Variants in MRC1 observed in about 807,000 individuals in gnomAD.
The protein encoded by MRC1 is mannose receptor C-type 1.
A neutral mutation model predicts 102.9 loss-of-function variants in MRC1; 62 were observed. The ratio of observed to expected loss-of-function variants is 0.60; its 90% confidence interval spans 0.49 to 0.74. MRC1 has a LOEUF of 0.74. Among genes scored for constraint, MRC1 ranks in the 30% least tolerant of loss-of-function variants. The pLI, the probability that MRC1 is intolerant of heterozygous loss-of-function variation, is 0.00. For missense variants in MRC1, 1,237 were observed against 862.8 expected, an observed-to-expected ratio of 1.43 and a Z score of -5.43; for synonymous variants, 457 against 298.4, an observed-to-expected ratio of 1.53 and a Z score of -5.48.
chr10:17,825,118 G>T (rs1838454086), intron 2 of MRC1, among the ~76,000 whole-genome samples: 1 of 152,110 alleles, frequency 6.6e-6, no homozygotes, highest in Non-Finnish European at 1.5e-5. Flanking sequence ...CTGCTCCTCA[G>T]TTCTAGCTCT....
In MRC1 at chr10:17,910,990, A is replaced by T. The variant is rs1833961635; in HGVS notation, c.*525A>T. ...CATGTGCAGAAGAATAAGGCAGCTG[A>T]GAATCTTGTTTCCCCCAAGAGAGTT... On this transcript the variant is annotated 3_prime_UTR_variant, in exon 30 of 30. Transcript: ENST00000569591. The T allele has an allele frequency of 6.0e-6, 1 of 167,016 alleles. No homozygotes were observed. The highest frequency in any genetic ancestry group is 2.4e-5 in the African/African-American group (1 of 41,508). The allele number at this position is 167,016 out of a possible 1,614,324, so 10.3% of individuals were successfully genotyped here.
intron 21 of MRC1, among the ~76,000 whole-genome samples, chr10:17,882,687 T>G (rs1462675998): frequency 6.6e-6 from 1 of 152,052 alleles, no homozygotes; most frequent in East Asian, 1.9e-4. Flanking sequence ...GTACAATAAA[T>G]CCCAACCAAG....
Position 17,861,398 on chromosome 10 carries a change from A to G in MRC1, c.1530A>G (p.Lys510=), listed in dbSNP as rs1589182693. The G allele has an allele frequency of 1.1e-6, 1 of 872,308 alleles. No homozygotes were observed. Among genetic ancestry groups the G allele is most frequent in the African/African-American group, 1.6e-5 (1 of 61,322 alleles). 54.0% of individuals were successfully genotyped at this position (872,308 alleles called of 1,614,324 possible). A position where few individuals can be genotyped will look rare whatever the true frequency, so the allele number is the denominator to read the frequency against. Residue 510 remains lysine, a synonymous_variant, in exon 10 of 30, where the codon AAA becomes AAG. Coordinates refer to ENST00000569591, the MANE Select transcript of MRC1 (RefSeq NM_002438.4). ...GATAACATTAATAGGGCTGGAAAAA[A>G]CATCACTTTTACTGCTATATGATTG... ...VEKGCRKGWK[K]HHFYCYMIGH... is the part of the protein sequence containing the mutation.
chr10:17,909,474 T>A, intron 29 of MRC1, 127 bp downstream of exon 29: 1 of 690,742 alleles, frequency 1.4e-6, no homozygotes, highest in Non-Finnish European at 2.6e-6. Flanking sequence ...AGCTAAACTA[T>A]CCTTTGTCAT....
chr10:17,875,993 G>C (rs1656091705), intron 17 of MRC1, among the ~76,000 whole-genome samples: 1 of 152,104 alleles, frequency 6.6e-6, no homozygotes, highest in Non-Finnish European at 1.5e-5. Context: ...TTGTGATTTT[G>C]ATTTACATTT....
intron 28 of MRC1, 62 bp downstream of exon 28, chr10:17,907,760 A>G (rs1180698708): frequency 1.3e-6 from 1 of 776,582 alleles, no homozygotes; most frequent in Non-Finnish European, 2.4e-6. Flanking sequence ...AAATAGTAAG[A>G]TATCAGGTAT....
At chr10:17,857,649 A>G (rs1833114141) in intron 9 of MRC1, among the ~76,000 whole-genome samples, 1 of 152,224 alleles carries the variant, frequency 6.6e-6, no homozygotes, top group Non-Finnish European at 1.5e-5. Context: ...TGACCACTTT[A>G]AAAACACCTG....
At chr10:17,902,837 T>A (rs1833846407) in intron 26 of MRC1, among the ~76,000 whole-genome samples, 1 of 152,162 alleles carries the variant, frequency 6.6e-6, no homozygotes. Flanking sequence ...GCCGATGAGG[T>A]TTATCCGAGG....
At chr10:17,865,607 G>A (rs2130667372) in intron 11 of MRC1, 1 of 152,508 alleles carries the variant, frequency 6.6e-6, no homozygotes, top group South Asian at 2.1e-4. Flanking sequence ...GCTGCAGGAG[G>A]AGTGGGCAAG....
rs781870236 is a variant in MRC1 at position 17,811,685 on chromosome 10, C to T, written c.61+2159C>T. ...TGCAATCCTCCCACCTTGGCCCACTCCCAACTCCCCAGTAGCTGGGACTTT... is the reference window on the plus strand; with the variant it reads ...TGCAATCCTCCCACCTTGGCCCACTTCCAACTCCCCAGTAGCTGGGACTTT... On this transcript the variant is annotated intron_variant, in intron 1 of 29. Transcript: ENST00000569591. Among the ~76,000 whole-genome samples the T allele has an allele frequency of 8.3e-3, 1,266 of 152,238 alleles. 11 individuals carry two copies. The highest frequency in any genetic ancestry group is 0.024 in the Middle Eastern group (7 of 294).
Position 17,870,867 on chromosome 10 carries a change from A to G in MRC1, c.2131A>G (p.Lys711Glu). ...RLITASGSYHKLFWLGLTYGS... is the reference protein window; with the variant it reads ...RLITASGSYHELFWLGLTYGS... ...TCATAGAGCTAGTGGAAGCTACCAC[A>G]AACTGTTTTGGTTGGGATTGACATA... is the stretch of plus-strand genomic sequence containing the variant. The change falls in exon 14 of 30, where the codon AAA becomes GAA. Residue 711 changes from lysine to glutamate, a missense_variant. Coordinates refer to ENST00000569591, the MANE Select transcript of MRC1 (RefSeq NM_002438.4). 1 of 872,494 alleles carries G rather than the reference A, an allele frequency of 1.1e-6. No homozygotes were observed. Among genetic ancestry groups the G allele is most frequent in the Non-Finnish European group, 2.0e-6 (1 of 501,276 alleles). 54.0% of individuals were successfully genotyped at this position (872,494 alleles called of 1,614,324 possible).
chr10:17,838,575 TA>T (rs1322518214), intron 4 of MRC1, among the ~76,000 whole-genome samples: 6 of 149,812 alleles, frequency 4.0e-5, no homozygotes, highest in African/African-American at 9.8e-5. Context: ...AAAAAGAAAG[TA>T]AAAAAAACAG....
At chr10:17,831,959 G>A (rs1838580699) in intron 3 of MRC1, among the ~76,000 whole-genome samples, 1 of 151,656 alleles carries the variant, frequency 6.6e-6, no homozygotes, top group Non-Finnish European at 1.5e-5. Context: ...TTACTCTGTG[G>A]AATGAAAAAG....
Position 17,880,622 on chromosome 10 carries a change from C to G in MRC1, c.2817C>G (p.Pro939=), listed in dbSNP as rs1048860144. The G allele has an allele frequency of 2.6e-6, 2 of 780,700 alleles. No individual in the cohort carries two copies. The highest frequency in any genetic ancestry group is 1.7e-5 in the Admixed American group (1 of 59,014). 48.4% of individuals were successfully genotyped at this position (780,700 alleles called of 1,614,324 possible). The change falls in exon 20 of 30, where the codon CCC becomes CCG. Residue 939 remains proline, a synonymous_variant. Transcript: ENST00000569591. ...CTACCACAGTTATGCCTACCATGCC[C>G]TCGGTCCCATCAGGGTGCAAGGAAG... The part of the protein sequence containing the change: ...INATTVMPTM[P]SVPSGCKEGW...
At chr10:17,866,904 A>G in intron 12 of MRC1, 143 bp downstream of exon 12, 1 of 714,596 alleles carries the variant, frequency 1.4e-6, no homozygotes, top group Non-Finnish European at 2.6e-6. Context: ...GATTTGATTA[A>G]CCCGGGGATC....
chr10:17,837,879 G>T (rs1221961952), intron 4 of MRC1, among the ~76,000 whole-genome samples: 1 of 152,024 alleles, frequency 6.6e-6, no homozygotes, highest in African/African-American at 2.4e-5. Context: ...GGGATTACAG[G>T]CGTGAGCCAC....
chr10:17,859,246 A>G (rs1833143016), intron 9 of MRC1, among the ~76,000 whole-genome samples: 1 of 152,116 alleles, frequency 6.6e-6, no homozygotes, highest in African/African-American at 2.4e-5. Context: ...TGTTTTTTTA[A>G]TAAGAGCTTT....
chr10:17,835,893 G>A (rs2130616896), intron 4 of MRC1, among the ~76,000 whole-genome samples: 1 of 152,326 alleles, frequency 6.6e-6, no homozygotes, highest in East Asian at 1.9e-4. Flanking sequence ...AAACTCCTGG[G>A]TGATTCTGGG....
At chr10:17,847,080 C>T (rs1050414356) in intron 6 of MRC1, among the ~76,000 whole-genome samples, 3 of 152,158 alleles carry the variant, frequency 2.0e-5, no homozygotes, top group East Asian at 1.9e-4. Context: ...TCCATAGTGA[C>T]GGTGGGTATC....
Sources: gnomAD v4.1 joint callset for allele counts (sites outside exome capture counted in the v4.1 genomes callset) on GRCh38, gnomAD v4.1.1 for gene constraint, MANE v1.5 for transcripts, NCBI Gene and HGNC (gene_info 2026-07-23, HGNC 2026-07-21) for gene names.